CNOT10: variants seen among roughly 807,000 people sequenced by gnomAD.
CNOT10 encodes CCR4-NOT transcription complex subunit 10.
A neutral mutation model predicts 94.6 loss-of-function variants in CNOT10; 30 were observed. That is an observed-to-expected ratio of 0.32 (90% CI 0.24 to 0.43). CNOT10 has a LOEUF of 0.43. CNOT10 is among the 20% of genes least tolerant of loss of function. The pLI is 1.00. For missense variants in CNOT10, 759 were observed against 877.2 expected (o/e 0.87, Z 1.70); for synonymous variants, 289 against 301.6 (o/e 0.96, Z 0.43).
chr3:32,722,494 G>A (rs1279006876), intron 8 of CNOT10, among the ~76,000 whole-genome samples: 1 of 152,192 alleles, frequency 6.6e-6, no homozygotes, highest in Non-Finnish European at 1.5e-5. Flanking sequence ...TCTTCATGTA[G>A]GTGTCAGTAT....
chr3:32,764,944 A>T, intron 17 of CNOT10, 135 bp downstream of exon 17: 1 of 1,501,210 alleles, frequency 6.7e-7, no homozygotes, highest in South Asian at 1.3e-5. Context: ...AGATATAAAA[A>T]TATTCTTGCA....
intron 18 of CNOT10, among the ~76,000 whole-genome samples, chr3:32,772,703 A>T (rs1008936346): frequency 1.3e-5 from 2 of 152,092 alleles, no homozygotes; most frequent in Non-Finnish European, 2.9e-5. Flanking sequence ...TCTCAAAAAA[A>T]ACCCAATGTT....
chr3:32,697,561 C>T (rs1196814693), intron 1 of CNOT10, among the ~76,000 whole-genome samples: 1 of 152,128 alleles, frequency 6.6e-6, no homozygotes, highest in East Asian at 1.9e-4. Flanking sequence ...GCCTCAACCT[C>T]CCAGGCTTCA....
intron 1 of CNOT10, among the ~76,000 whole-genome samples, chr3:32,690,609 C>T (rs891305331): frequency 1.3e-5 from 2 of 151,508 alleles, no homozygotes; most frequent in Non-Finnish European, 1.5e-5. Flanking sequence ...TGCAGTGGTG[C>T]GATCTTGGCT....
At chr3:32,736,198 G>C (rs537072539) in intron 12 of CNOT10, among the ~76,000 whole-genome samples, 2 of 152,200 alleles carry the variant, frequency 1.3e-5, no homozygotes, top group African/African-American at 4.8e-5. Context: ...CGATTCTCCT[G>C]CCTCAACCCC....
At chr3:32,746,484 C>T (rs1699705266) in intron 13 of CNOT10, among the ~76,000 whole-genome samples, 1 of 152,108 alleles carries the variant, frequency 6.6e-6, no homozygotes, top group Non-Finnish European at 1.5e-5. Flanking sequence ...GATCATCAGG[C>T]ATTAGATTCT....
At chr3:32,711,420 G>A (rs1228583943) in intron 4 of CNOT10, among the ~76,000 whole-genome samples, 3 of 152,090 alleles carry the variant, frequency 2.0e-5, no homozygotes, top group Admixed American at 6.6e-5. Context: ...TGGGGAAAAC[G>A]TCTGTACATA....
Position 32,762,714 on chromosome 3 carries a change from A to T in CNOT10, c.1710-19A>T. On this transcript the variant is annotated intron_variant, in intron 14 of 18. Transcript: ENST00000328834. ...GTGACGTTGTACTTTTCAGTTTGGA[A>T]TCTGTTTTTTCATTTTAGGTTTTTG... is the stretch of plus-strand genomic sequence containing the variant. 3 of 1,581,730 alleles carry T rather than the reference A, an allele frequency of 1.9e-6. No homozygotes were observed. Among genetic ancestry groups the T allele is most frequent in the Non-Finnish European group, 2.6e-6 (3 of 1,170,770 alleles).
At chr3:32,720,893 TC>T (rs1698357150) in intron 8 of CNOT10, among the ~76,000 whole-genome samples, 1 of 43,092 alleles carries the variant, frequency 2.3e-5, no homozygotes, top group African/African-American at 1.5e-4. Context: ...TTCCTTCTTT[TC>T]CTTCCTTCCT....
At chr3:32,711,447 C>T (rs1683717940) in intron 4 of CNOT10, among the ~76,000 whole-genome samples, 1 of 152,054 alleles carries the variant, frequency 6.6e-6, no homozygotes, top group Non-Finnish European at 1.5e-5. Flanking sequence ...GCAGATGCAA[C>T]AACTTTTTTT....
At chr3:32,731,598 C>A (rs1416967034) in intron 10 of CNOT10, among the ~76,000 whole-genome samples, 1 of 152,116 alleles carries the variant, frequency 6.6e-6, no homozygotes, top group Non-Finnish European at 1.5e-5. Context: ...TCCTCAGCTT[C>A]CCTAGTAGCT....
intron 1 of CNOT10, among the ~76,000 whole-genome samples, chr3:32,702,963 G>A (rs1387194230): frequency 2.7e-5 from 4 of 150,688 alleles, no homozygotes; most frequent in African/African-American, 4.9e-5. Flanking sequence ...CCCGGCTGGA[G>A]TGCAGTGGCA....
At chr3:32,757,254 A>G (rs1334514818) in intron 13 of CNOT10, among the ~76,000 whole-genome samples, 56 of 116,052 alleles carry the variant, frequency 4.8e-4, no homozygotes, top group African/African-American at 1.6e-3. Flanking sequence ...ATCTCAGCTT[A>G]CCGCAACCTC....
At chr3:32,741,946 G>A (rs1419203126) in intron 13 of CNOT10, among the ~76,000 whole-genome samples, 1 of 151,636 alleles carries the variant, frequency 6.6e-6, no homozygotes, top group Non-Finnish European at 1.5e-5. Flanking sequence ...ATATTTGTGT[G>A]TGTTGTAGGT....
Position 32,764,078 on chromosome 3 carries a change from C to T in CNOT10, c.1841-377C>T, listed in dbSNP as rs1014074204. On this transcript the variant is annotated intron_variant, in intron 15 of 18. Coordinates refer to ENST00000328834, the MANE Select transcript of CNOT10 (RefSeq NM_015442.3). ...TCAAGAGGCGGAGGTTGCAGTGAGT[C>T]GTGCCATTGCACTCCAGCCTGGGCG... The T allele has an allele frequency of 5.0e-5, 9 of 179,420 alleles. No homozygotes were observed. In the South Asian group the frequency reaches 8.0e-4, roughly 16 times the overall value. 11.1% of individuals were successfully genotyped at this position (179,420 alleles called of 1,614,324 possible). A position where few individuals can be genotyped will look rare whatever the true frequency, so the allele number is the denominator to read the frequency against.
chr3:32,761,726 C>CT (rs200865385), intron 14 of CNOT10, among the ~76,000 whole-genome samples: 340 of 136,370 alleles, frequency 2.5e-3, no homozygotes, highest in Admixed American at 4.0e-3. Context: ...CTACTAATTT[C>CT]TTTTTTTTTT....
At chr3:32,686,088 G>T (rs1168222569) in intron 1 of CNOT10, among the ~76,000 whole-genome samples, 2 of 152,140 alleles carry the variant, frequency 1.3e-5, no homozygotes, top group African/African-American at 4.8e-5. Flanking sequence ...TCTCTCTACA[G>T]TCTGTGCTCC....
At chr3:32,717,282 A>G in intron 7 of CNOT10, 45 bp downstream of exon 7, 2 of 1,133,104 alleles carry the variant, frequency 1.8e-6, no homozygotes, top group Non-Finnish European at 2.7e-6. Context: ...TGTCTTTCTT[A>G]TTTAGACTAT....
chr3:32,749,856 C>CA (rs1699882229), intron 13 of CNOT10, among the ~76,000 whole-genome samples: 1 of 151,992 alleles, frequency 6.6e-6, no homozygotes, highest in South Asian at 2.1e-4. Context: ...CTTGTGTAAC[C>CA]AAATACCTGT....
Sources: gnomAD v4.1 joint callset for allele counts (sites outside exome capture counted in the v4.1 genomes callset) on GRCh38, gnomAD v4.1.1 for gene constraint, MANE v1.5 for transcripts, NCBI Gene and HGNC (gene_info 2026-07-23, HGNC 2026-07-21) for gene names.